The following CHRM3 variants were observed in gnomAD, a reference collection of about 807,000 sequenced individuals.
CHRM3 encodes the protein muscarinic acetylcholine receptor M3.
A neutral mutation model predicts 41.8 loss-of-function variants in CHRM3; 11 were observed. The observed-to-expected ratio is 0.26, with a 90% CI of 0.17 to 0.44. CHRM3 has a LOEUF of 0.44. CHRM3 is among the 20% of genes least tolerant of loss of function. The probability of loss-of-function intolerance (pLI) is 1.00; values close to 1 mark genes in which losing one functional copy is unlikely to be tolerated. For synonymous variants in CHRM3, 297 were observed against 301.4 expected (o/e 0.99, Z 0.15); for missense variants, 571 against 745.4 (o/e 0.77, Z 2.72).
intron 5 of CHRM3, among the ~76,000 whole-genome samples, chr1:239,783,771 A>T (rs1416702032): frequency 6.6e-6 from 1 of 152,172 alleles, no homozygotes. Flanking sequence ...AATAAGTTGC[A>T]TGATGCTGAG....
At chr1:239,594,972 C>T (rs974883736) in intron 3 of CHRM3, among the ~76,000 whole-genome samples, 1 of 152,148 alleles carries the variant, frequency 6.6e-6, no homozygotes, top group Non-Finnish European at 1.5e-5. Context: ...TCCTGTAATC[C>T]CAGATACTTG....
rs563026909 is a variant in CHRM3, at chr1:239,771,534, G to A, written c.-146-55718G>A. ...CAGGTTATTCGTTGCAGCCTTATTTGTGACAAAATAACTGTGTGACCTAAG... is the reference window on the plus strand; with the variant it reads ...CAGGTTATTCGTTGCAGCCTTATTTATGACAAAATAACTGTGTGACCTAAG... On this transcript the variant is annotated intron_variant, in intron 5 of 6. Transcript: ENST00000676153. Among the ~76,000 whole-genome samples the A allele has an allele frequency of 9.2e-5, 14 of 152,352 alleles. No homozygotes were observed. In the South Asian group the frequency reaches 2.5e-3, roughly 27 times the overall value.
At chr1:239,684,748 G>GAGAAAAAGAAAGAAAGAAAGAA (rs1553363710) in intron 5 of CHRM3, among the ~76,000 whole-genome samples, 3 of 107,704 alleles carry the variant, frequency 2.8e-5, no homozygotes, top group African/African-American at 1.0e-4. Flanking sequence ...GAGAAAGAAA[G>GAGAAAAAGAAAGAAAGAAAGAA]AGAAAGAAAG....
At chr1:239,435,374 G>A (rs535681754) in intron 1 of CHRM3, among the ~76,000 whole-genome samples, 1 of 151,792 alleles carries the variant, frequency 6.6e-6, no homozygotes, top group East Asian at 1.9e-4. Flanking sequence ...GCGTGAACCC[G>A]GGAGGCAGAG....
At chr1:239,587,488 T>G (rs1277669756) in intron 3 of CHRM3, among the ~76,000 whole-genome samples, 1 of 152,206 alleles carries the variant, frequency 6.6e-6, no homozygotes, top group Admixed American at 6.5e-5. Flanking sequence ...ATTGAAAATT[T>G]TCTTCATTTA....
intron 6 of CHRM3, among the ~76,000 whole-genome samples, chr1:239,830,530 C>T (rs576652356): frequency 6.6e-6 from 1 of 152,082 alleles, no homozygotes; most frequent in Non-Finnish European, 1.5e-5. Flanking sequence ...GGTGAAACCC[C>T]GTCTCTATTA....
chr1:239,463,372 T>C (rs1356273290), intron 1 of CHRM3, among the ~76,000 whole-genome samples: 1 of 152,144 alleles, frequency 6.6e-6, no homozygotes, highest in African/African-American at 2.4e-5. Flanking sequence ...ATTCTCCTTA[T>C]CCCTCCTTGC....
chr1:239,629,902 T>G (rs1380572597), intron 3 of CHRM3, among the ~76,000 whole-genome samples: 1 of 152,218 alleles, frequency 6.6e-6, no homozygotes, highest in Non-Finnish European at 1.5e-5. Flanking sequence ...TTAGTTTGAT[T>G]ATGTGACCTT....
At chr1:239,512,725 G>A (rs916106478) in intron 2 of CHRM3, among the ~76,000 whole-genome samples, 2 of 151,396 alleles carry the variant, frequency 1.3e-5, no homozygotes, top group African/African-American at 4.9e-5. Flanking sequence ...TTTTCTTGAA[G>A]GTATAACCCT....
chr1:239,420,709 C>T (rs114948025), intron 1 of CHRM3, among the ~76,000 whole-genome samples: 1,994 of 152,240 alleles, frequency 0.013, 15 homozygotes, highest in Non-Finnish European at 0.019. Flanking sequence ...TTTGGGAGAA[C>T]TATGCCTGCT....
Position 239,914,636 on chromosome 1 carries a change from A to G in CHRM3, c.*5412A>G, listed in dbSNP as rs1680548059. 1 of 167,122 alleles carries G rather than the reference A, an allele frequency of 6.0e-6. No individual in the cohort carries two copies. The highest frequency in any genetic ancestry group is 2.1e-4 in the South Asian group (1 of 4,830). 10.4% of individuals were successfully genotyped at this position (167,122 alleles called of 1,614,324 possible). Reference sequence around the variant, plus strand: ...AGACAAACTTTTTATTGTATAAAACAGTAGAATTCATGGAAGGGATAATTC... The same window carrying G: ...AGACAAACTTTTTATTGTATAAAACGGTAGAATTCATGGAAGGGATAATTC... On this transcript the variant is annotated 3_prime_UTR_variant, in exon 7 of 7. Coordinates refer to ENST00000676153, the MANE Select transcript of CHRM3 (RefSeq NM_001375978.1).
At chr1:239,465,338 C>A (rs1473799901) in intron 1 of CHRM3, among the ~76,000 whole-genome samples, 1 of 152,122 alleles carries the variant, frequency 6.6e-6, no homozygotes, top group Non-Finnish European at 1.5e-5. Context: ...TATTTATAAT[C>A]TGTTAAGTTA....
chr1:239,446,287 G>A (rs1664151242), intron 1 of CHRM3, among the ~76,000 whole-genome samples: 1 of 152,146 alleles, frequency 6.6e-6, no homozygotes, highest in Non-Finnish European at 1.5e-5. Flanking sequence ...GACAAACAGA[G>A]TTGAATGCAT....
chr1:239,800,415 G>A (rs1670119615), intron 5 of CHRM3, among the ~76,000 whole-genome samples: 1 of 152,190 alleles, frequency 6.6e-6, no homozygotes, highest in African/African-American at 2.4e-5. Flanking sequence ...CCCATTAGCT[G>A]CTCAGTTAAG....
At chr1:239,494,409 G>A (rs1279389513) in intron 2 of CHRM3, among the ~76,000 whole-genome samples, 1 of 152,164 alleles carries the variant, frequency 6.6e-6, no homozygotes. Flanking sequence ...TCCGTACTAT[G>A]TGCACTTCAG....
chr1:239,576,073 G>C (rs1000091263), intron 3 of CHRM3, among the ~76,000 whole-genome samples: 1 of 152,020 alleles, frequency 6.6e-6, no homozygotes, highest in African/African-American at 2.4e-5. Flanking sequence ...GTAGTATTTG[G>C]CCTTTTGCAG....
intron 1 of CHRM3, among the ~76,000 whole-genome samples, chr1:239,480,619 C>T (rs540342399): frequency 8.5e-4 from 121 of 142,404 alleles, no homozygotes; most frequent in Middle Eastern, 4.1e-3. Context: ...TGCAGTGGCA[C>T]GATCTTGGCT....
rs1044126741 is a variant in CHRM3, at chr1:239,602,450, A to G, written c.-312-29774A>G. On this transcript the variant is annotated intron_variant, in intron 3 of 6. Transcript: ENST00000676153. ...AAAATAAATTAACTATCTGCCCTTTAAAGTCCATCTTAAACTCAAAAAACT... is the reference window on the plus strand; with the variant it reads ...AAAATAAATTAACTATCTGCCCTTTGAAGTCCATCTTAAACTCAAAAAACT... Among the ~76,000 whole-genome samples, 30 of 152,278 alleles carry G rather than the reference A, an allele frequency of 2.0e-4. No homozygotes were observed. In the East Asian group the frequency reaches 4.4e-3, roughly 23 times the overall value.
At chr1:239,651,421 T>C (rs1181779065) in intron 4 of CHRM3, among the ~76,000 whole-genome samples, 1 of 152,230 alleles carries the variant, frequency 6.6e-6, no homozygotes, top group Non-Finnish European at 1.5e-5. Context: ...TTGTGCTTCT[T>C]GTTAGAGAAC....
Sources: allele counts gnomAD v4.1 joint callset (sites outside exome capture counted in the v4.1 genomes callset), GRCh38; gene constraint gnomAD v4.1.1; transcripts MANE v1.5; gene names NCBI Gene and HGNC (gene_info 2026-07-23, HGNC 2026-07-21).